Variants in TMEM150C observed in about 807,000 individuals in gnomAD.
TMEM150C encodes the protein tentonin 3.
TMEM150C carries 10 observed loss-of-function variants against 29.9 expected under a neutral mutation model. The ratio of observed to expected loss-of-function variants is 0.33; its 90% confidence interval spans 0.21 to 0.57. The LOEUF (loss-of-function observed/expected upper bound fraction) is 0.57, where lower values mean the gene tolerates loss of function less well. TMEM150C is among the 20% of genes least tolerant of loss of function. TMEM150C has a pLI of 0.88. For synonymous variants in TMEM150C, 101 were observed against 112.5 expected (o/e 0.90, Z 0.64); for missense variants, 251 against 303.6 (o/e 0.83, Z 1.29).
intron 1 of TMEM150C, among the ~76,000 whole-genome samples, chr4:82,530,477 A>C (rs1347737033): frequency 6.6e-6 from 1 of 152,152 alleles, no homozygotes; most frequent in Non-Finnish European, 1.5e-5. Flanking sequence ...GAATGGTGTG[A>C]ACCCGGGAGG....
At chr4:82,486,333 C>G (rs1449929297) in intron 7 of TMEM150C, among the ~76,000 whole-genome samples, 2 of 77,842 alleles carry the variant, frequency 2.6e-5, no homozygotes, top group African/African-American at 1.5e-4. Context: ...GAGACTCCAT[C>G]TTAAAAAAAA....
chr4:82,513,665 G>C (rs1724203330), intron 1 of TMEM150C, among the ~76,000 whole-genome samples: 1 of 152,118 alleles, frequency 6.6e-6, no homozygotes, highest in Admixed American at 6.5e-5. Flanking sequence ...CAAAAGAAGA[G>C]GAAGAGTTTA....
intron 1 of TMEM150C, among the ~76,000 whole-genome samples, chr4:82,538,904 T>C (rs1232397704): frequency 6.6e-6 from 1 of 151,832 alleles, no homozygotes; most frequent in Non-Finnish European, 1.5e-5. Context: ...ATACCAAAAA[T>C]ATTATACAAA....
At chr4:82,504,946 C>T (rs1381722450) in intron 1 of TMEM150C, among the ~76,000 whole-genome samples, 4 of 152,108 alleles carry the variant, frequency 2.6e-5, no homozygotes, top group Admixed American at 2.0e-4. Context: ...AGGAGAATGG[C>T]GTGAACCTAG....
At chr4:82,548,905 A>C (rs1725471586) in intron 1 of TMEM150C, among the ~76,000 whole-genome samples, 1 of 152,214 alleles carries the variant, frequency 6.6e-6, no homozygotes, top group African/African-American at 2.4e-5. Flanking sequence ...ATGCTTAGGG[A>C]ATCATGAGTA....
chr4:82,531,333 T>C (rs928065191), intron 1 of TMEM150C, among the ~76,000 whole-genome samples: 4 of 152,126 alleles, frequency 2.6e-5, no homozygotes, highest in African/African-American at 9.7e-5. Flanking sequence ...GTCAGCTGCA[T>C]AGAGGTGCTG....
chr4:82,561,554 G>C (rs1040055815), intron 1 of TMEM150C, among the ~76,000 whole-genome samples: 12 of 150,924 alleles, frequency 8.0e-5, no homozygotes, highest in Admixed American at 2.6e-4. Context: ...GGACGGGGCC[G>C]GGGCCGGGGC....
intron 1 of TMEM150C, among the ~76,000 whole-genome samples, chr4:82,537,983 G>C (rs757048802): frequency 3.9e-5 from 6 of 152,160 alleles, no homozygotes; most frequent in Non-Finnish European, 8.8e-5. Context: ...GCAGCCCTTG[G>C]AAACTAATAC....
intron 6 of TMEM150C, chr4:82,495,055 G>A (rs1723498697): frequency 6.5e-6 from 8 of 1,222,506 alleles, no homozygotes; most frequent in Non-Finnish European, 9.0e-6. Flanking sequence ...GTAACAAGAT[G>A]CTGAATCTTG....
chr4:82,555,653 A>G (rs1046458293), intron 1 of TMEM150C, among the ~76,000 whole-genome samples: 3 of 152,202 alleles, frequency 2.0e-5, no homozygotes, highest in Admixed American at 6.5e-5. Flanking sequence ...ATGTACATCT[A>G]TGTATCGCTA....
chr4:82,554,816 C>A (rs1486385426), intron 1 of TMEM150C, among the ~76,000 whole-genome samples: 1 of 152,160 alleles, frequency 6.6e-6, no homozygotes, highest in Non-Finnish European at 1.5e-5. Context: ...AAAAGTATTA[C>A]CCCACTTTCA....
chr4:82,523,472 T>A (rs903845067), intron 1 of TMEM150C, among the ~76,000 whole-genome samples: 3 of 152,248 alleles, frequency 2.0e-5, no homozygotes, highest in African/African-American at 7.2e-5. Context: ...GGGGTGGCCA[T>A]GTTGCCAGGA....
rs551604000 is a variant in TMEM150C at position 82,543,660 on chromosome 4, A to C, written c.-11+18246T>G. Among the ~76,000 whole-genome samples the C allele has an allele frequency of 1.7e-3, 265 of 152,372 alleles. 1 individual carries two copies. The highest frequency in any genetic ancestry group is 6.2e-3 in the African/African-American group (257 of 41,588). ...CTGATGCAAATAGCACAGGTTACCT[A>C]TGCCCATATACAACATACTCATTCA... On this transcript the variant is annotated intron_variant, in intron 1 of 7. Coordinates refer to ENST00000449862, the MANE Select transcript of TMEM150C (RefSeq NM_001080506.3).
At chr4:82,531,906 G>A (rs1450093432) in intron 1 of TMEM150C, among the ~76,000 whole-genome samples, 2 of 152,142 alleles carry the variant, frequency 1.3e-5, no homozygotes, top group African/African-American at 2.4e-5. Flanking sequence ...AGCACTGAGA[G>A]GAGTCTGCTG....
intron 1 of TMEM150C, among the ~76,000 whole-genome samples, chr4:82,514,521 C>G (rs1724230776): frequency 6.6e-6 from 1 of 151,874 alleles, no homozygotes; most frequent in Non-Finnish European, 1.5e-5. Context: ...GTTTGTCTCC[C>G]TTGGGATGAA....
rs192490373 is a variant in TMEM150C at position 82,500,991 on chromosome 4, C to T, written c.235+1736G>A. Among the ~76,000 whole-genome samples the T allele has an allele frequency of 1.4e-3, 207 of 152,268 alleles. 1 individual carries two copies. Among genetic ancestry groups the T allele is most frequent in the African/African-American group, 4.7e-3 (196 of 41,544 alleles). Reference sequence around the variant, plus strand: ...TGTTGCCCCCTGTGGGAAGAGCATACGAATAGATGGCAGCCTGCAGGCCTA... The same window carrying T: ...TGTTGCCCCCTGTGGGAAGAGCATATGAATAGATGGCAGCCTGCAGGCCTA... On this transcript the variant is annotated intron_variant, in intron 5 of 7. Coordinates refer to ENST00000449862, the MANE Select transcript of TMEM150C (RefSeq NM_001080506.3).
intron 1 of TMEM150C, among the ~76,000 whole-genome samples, chr4:82,528,767 T>G (rs1724739124): frequency 6.6e-6 from 1 of 152,092 alleles, no homozygotes; most frequent in Non-Finnish European, 1.5e-5. Context: ...AGCCAATTTT[T>G]GTATTTTTAG....
intron 1 of TMEM150C, among the ~76,000 whole-genome samples, chr4:82,506,807 C>T (rs1458371452): frequency 1.3e-5 from 2 of 152,112 alleles, no homozygotes; most frequent in Non-Finnish European, 2.9e-5. Context: ...AAAAATAATT[C>T]CATAAGTAGC....
chr4:82,510,379 T>C (rs1341139911), intron 1 of TMEM150C, among the ~76,000 whole-genome samples: 1 of 152,166 alleles, frequency 6.6e-6, no homozygotes, highest in Non-Finnish European at 1.5e-5. Context: ...GGAAGGGACT[T>C]GCTTATTATA....
Sources: gnomAD v4.1 joint callset for allele counts (sites outside exome capture counted in the v4.1 genomes callset) on GRCh38, gnomAD v4.1.1 for gene constraint, MANE v1.5 for transcripts, NCBI Gene and HGNC (gene_info 2026-07-23, HGNC 2026-07-21) for gene names.